The following SPTBN1 variants were observed in gnomAD, a reference collection of about 807,000 sequenced individuals.
SPTBN1 encodes spectrin beta, non-erythrocytic 1.
SPTBN1 carries 32 observed loss-of-function variants against 266.4 expected under a neutral mutation model. That is an observed-to-expected ratio of 0.12 (90% CI 0.09 to 0.16). The LOEUF is 0.16. SPTBN1 is among the 10% of genes least tolerant of loss of function. The probability of loss-of-function intolerance (pLI) is 1.00; values close to 1 mark genes in which losing one functional copy is unlikely to be tolerated. For synonymous variants in SPTBN1, 1,336 were observed against 1,162.2 expected (o/e 1.15, Z -3.04); for missense variants, 2,296 against 3,067.1 (o/e 0.75, Z 5.94).
chr2:54,623,419 C>T, intron 9 of SPTBN1, 60 bp from the exon 10 acceptor site: 1 of 1,436,988 alleles, frequency 7.0e-7, no homozygotes, highest in African/African-American at 1.4e-5. Flanking sequence ...TTTTAAAATG[C>T]ATGACAGTGT....
At chr2:54,537,393 G>A (rs1020244147) in intron 2 of SPTBN1, among the ~76,000 whole-genome samples, 12 of 152,304 alleles carry the variant, frequency 7.9e-5, no homozygotes, top group Middle Eastern at 3.4e-3. Context: ...ATGGCCAACC[G>A]GATACTTAGA....
In SPTBN1 at chr2:54,626,247, C is replaced by A. The variant is rs756190101; in HGVS notation, c.1644+13C>A. 1.9e-6 allele frequency: 3 copies of A among 1,607,872 alleles called. No individual in the cohort carries two copies. The highest frequency in any genetic ancestry group is 2.6e-6 in the Non-Finnish European group (3 of 1,175,528). On this transcript the variant is annotated intron_variant, in intron 12 of 35. Transcript: ENST00000356805. This position sits in a 1 kb window ranked among gnomAD's most constrained non-coding sequence, Gnocchi z 4.7. ...GGATGAAATGAAGGTAAAACCTGAC[C>A]GAAAGGAAGGACGACAGAGCTGATC...
intron 4 of SPTBN1, among the ~76,000 whole-genome samples, chr2:54,612,591 G>A: frequency 6.6e-6 from 1 of 152,164 alleles, no homozygotes. Flanking sequence ...GCGGCCCAGG[G>A]GCTTCTAGGC....
chr2:54,624,774 T>TTGTG (rs747824330), intron 10 of SPTBN1, 30 bp from the exon 11 acceptor site: 1 of 1,612,608 alleles, frequency 6.2e-7, no homozygotes, highest in Non-Finnish European at 8.5e-7. Context: ...GAAACTGTGT[T>TTGTG]TGTGTGTGTG....
chr2:54,557,033 A>C (rs114681228), intron 2 of SPTBN1, among the ~76,000 whole-genome samples: 13 of 152,188 alleles, frequency 8.5e-5, no homozygotes, highest in Non-Finnish European at 1.6e-4. Context: ...AAAATGTTCT[A>C]CATCTTAGAT....
intron 1 of SPTBN1, among the ~76,000 whole-genome samples, chr2:54,510,592 T>C (rs7563706): frequency 0.8 from 121,633 of 152,256 alleles, 49,179 homozygotes; most frequent in African/African-American, 0.93. Context: ...GCAACTGCTT[T>C]GAAAGCATTT....
At chr2:54,468,809 T>C (rs888091047) in intron 1 of SPTBN1, among the ~76,000 whole-genome samples, 1 of 152,246 alleles carries the variant, frequency 6.6e-6, no homozygotes, top group African/African-American at 2.4e-5. Flanking sequence ...TTAATTCCCC[T>C]GAGAGACATC....
At chr2:54,490,111 C>G (rs1188453833) in intron 1 of SPTBN1, among the ~76,000 whole-genome samples, 1 of 146,694 alleles carries the variant, frequency 6.8e-6, no homozygotes, top group Admixed American at 6.9e-5. Context: ...GGCGGAGTTG[C>G]ACTTGTCACC....
At chr2:54,522,519 T>A (rs1046175454) in intron 1 of SPTBN1, among the ~76,000 whole-genome samples, 5 of 151,642 alleles carry the variant, frequency 3.3e-5, no homozygotes, top group African/African-American at 1.2e-4. Flanking sequence ...TAATTCCAGC[T>A]ACTCAGGAGG....
chr2:54,542,447 A>G (rs2104400801), intron 2 of SPTBN1, among the ~76,000 whole-genome samples: 1 of 152,304 alleles, frequency 6.6e-6, no homozygotes, highest in South Asian at 2.1e-4. Flanking sequence ...GAGAATTTTT[A>G]TTTTCAAATA....
rs1196797153 is a variant in SPTBN1 at position 54,530,814 on chromosome 2, G to A, written c.148+4248G>A. On this transcript the variant is annotated intron_variant, in intron 2 of 35. Coordinates refer to ENST00000356805, the MANE Select transcript of SPTBN1 (RefSeq NM_003128.3). Reference sequence around the variant, plus strand: ...CTAAAACCAATGGAGTCTGCCGAGTGATGGGAGTGTCTTTTGTTACCCATA... The same window carrying A: ...CTAAAACCAATGGAGTCTGCCGAGTAATGGGAGTGTCTTTTGTTACCCATA... 3.3e-5 allele frequency among the ~76,000 whole-genome samples: 5 copies of A among 152,318 alleles called. No homozygotes were observed. In the East Asian group the frequency reaches 9.6e-4, roughly 29 times the overall value.
In SPTBN1 at chr2:54,649,207, G is replaced by A; in HGVS notation, c.5202+17G>A. 1.9e-6 allele frequency: 3 copies of A among 1,583,124 alleles called. No individual in the cohort carries two copies. The highest frequency in any genetic ancestry group is 1.3e-5 in the African/African-American group (1 of 74,512). On this transcript the variant is annotated intron_variant, in intron 25 of 35. Coordinates refer to ENST00000356805, the MANE Select transcript of SPTBN1 (RefSeq NM_003128.3). The surrounding 1 kb of genome is among the most constrained non-coding windows in gnomAD (Gnocchi z 6.7). ...CATGTCACGGCAAGTACTTGAGGCA[G>A]TGCATGAGTTGGTTGTGCAGTAAGC...
rs184876764 is a variant in SPTBN1, at chr2:54,588,376, G to T, written c.149-10716G>T. On this transcript the variant is annotated intron_variant, in intron 2 of 35. Transcript: ENST00000356805. ...AGTTTTTTCTTCTTGTTTTGGGGAG[G>T]TGATGTCTTGTTTTCCTCAGGCAGT... Among the ~76,000 whole-genome samples the T allele has an allele frequency of 4.9e-4, 75 of 152,236 alleles. 1 individual carries two copies. Among genetic ancestry groups the T allele is most frequent in the Non-Finnish European group, 5.9e-5 (4 of 68,016 alleles).
At chr2:54,560,884 T>C (rs1163921130) in intron 2 of SPTBN1, among the ~76,000 whole-genome samples, 2 of 152,218 alleles carry the variant, frequency 1.3e-5, no homozygotes, top group Non-Finnish European at 2.9e-5. Flanking sequence ...ATGAACCGAT[T>C]GCATTTTAAA....
intron 2 of SPTBN1, among the ~76,000 whole-genome samples, chr2:54,583,104 T>C (rs1203887642): frequency 1.3e-5 from 2 of 152,028 alleles, no homozygotes; most frequent in African/African-American, 2.4e-5. Flanking sequence ...CACTGGTGGA[T>C]GAACCCCCAT....
chr2:54,482,209 G>T (rs1338738357), intron 1 of SPTBN1, among the ~76,000 whole-genome samples: 2 of 151,948 alleles, frequency 1.3e-5, no homozygotes, highest in African/African-American at 2.4e-5. Context: ...ATCCCCTGAG[G>T]AGACTTAAAA....
rs572718999 is a variant in SPTBN1, at chr2:54,631,009, C to T, written c.2962C>T (p.Leu988=). The change falls in exon 16 of 36, where the codon CTG becomes TTG. Residue 988 remains leucine, a synonymous_variant. Transcript: ENST00000356805. The stretch of plus-strand genomic sequence containing the variant: ...GTCCACCCAGGACCTGGGCAATGAC[C>T]TGGCTGGCGTCATGGCCCTGCAGCG... ...IESTQDLGND[L]AGVMALQRKL... 5.0e-5 allele frequency: 80 copies of T among 1,614,140 alleles called. 2 individuals are homozygous for T. The South Asian group carries it at 7.1e-4, about 14-fold the overall frequency.
chr2:54,638,792 G>T (rs549478195), intron 18 of SPTBN1, among the ~76,000 whole-genome samples: 111 of 152,274 alleles, frequency 7.3e-4, no homozygotes, highest in Non-Finnish European at 2.6e-4. Context: ...AAGAGTATGG[G>T]GGTAGAATCA....
chr2:54,517,866 G>A (rs1460772781), intron 1 of SPTBN1, among the ~76,000 whole-genome samples: 1 of 151,330 alleles, frequency 6.6e-6, no homozygotes, highest in African/African-American at 2.4e-5. Flanking sequence ...GGCTGGTCTC[G>A]AGCTCCTGAC....
Sources: allele counts gnomAD v4.1 joint callset (sites outside exome capture counted in the v4.1 genomes callset), GRCh38; gene constraint gnomAD v4.1.1; non-coding constraint Gnocchi (gnomAD v3.1); transcripts MANE v1.5; gene names NCBI Gene and HGNC (gene_info 2026-07-23, HGNC 2026-07-21).